Variants in STXBP5L observed in about 807,000 individuals in gnomAD.
The protein encoded by STXBP5L is syntaxin-binding protein 5-like.
Under a neutral mutation model 144.5 loss-of-function variants are expected in STXBP5L, and 65 were observed. The ratio of observed to expected loss-of-function variants is 0.45; its 90% confidence interval spans 0.37 to 0.55. The LOEUF (loss-of-function observed/expected upper bound fraction) is 0.55, where lower values mean the gene tolerates loss of function less well. Among genes scored for constraint, STXBP5L ranks in the 20% least tolerant of loss-of-function variants. The probability of loss-of-function intolerance (pLI) is 0.00; values close to 1 mark genes in which losing one functional copy is unlikely to be tolerated. For synonymous variants in STXBP5L, 505 were observed against 469.6 expected (o/e 1.08, Z -0.97); for missense variants, 1,298 against 1,405.5 (o/e 0.92, Z 1.22).
chr3:121,352,629 C>G (rs920881936), intron 20 of STXBP5L, among the ~76,000 whole-genome samples: 5 of 152,088 alleles, frequency 3.3e-5, no homozygotes, highest in Admixed American at 1.3e-4. Flanking sequence ...CATCTGCAAA[C>G]AGGGACAATT....
At chr3:121,221,708 CA>C (rs2048978792) in intron 10 of STXBP5L, among the ~76,000 whole-genome samples, 3 of 151,748 alleles carry the variant, frequency 2.0e-5, no homozygotes, top group Admixed American at 6.6e-5. Flanking sequence ...TTTACCATAT[CA>C]AATCACTGGT....
At chr3:121,069,436 G>A (rs1051650278) in intron 5 of STXBP5L, among the ~76,000 whole-genome samples, 4 of 151,720 alleles carry the variant, frequency 2.6e-5, no homozygotes, top group Non-Finnish European at 4.4e-5. Flanking sequence ...CTTATTACAA[G>A]TAAAGCTGCT....
chr3:121,137,700 C>T (rs546870569), intron 7 of STXBP5L, among the ~76,000 whole-genome samples: 74 of 152,068 alleles, frequency 4.9e-4, no homozygotes, highest in Admixed American at 9.8e-4. Context: ...TTTTAATACA[C>T]GGAGAAAAGG....
intron 23 of STXBP5L, 149 bp from the exon 24 acceptor site, chr3:121,413,009 C>T (rs1298991509): frequency 3.3e-6 from 2 of 604,632 alleles, no homozygotes; most frequent in East Asian, 7.6e-5. Flanking sequence ...GCTTGGGTGA[C>T]AGAGCAAGAC....
chr3:120,977,367 C>A (rs879645922), intron 3 of STXBP5L, among the ~76,000 whole-genome samples: 6 of 152,072 alleles, frequency 3.9e-5, no homozygotes, highest in Non-Finnish European at 8.8e-5. Context: ...AGGATTGCAA[C>A]CCCTGCCTTT....
intron 2 of STXBP5L, among the ~76,000 whole-genome samples, chr3:120,934,609 T>C (rs948642340): frequency 6.6e-6 from 1 of 152,094 alleles, no homozygotes; most frequent in Non-Finnish European, 1.5e-5. Context: ...CCAACGATTA[T>C]AGTGGATTTA....
At chr3:120,964,824 C>A (rs1411067512) in intron 3 of STXBP5L, among the ~76,000 whole-genome samples, 1 of 152,134 alleles carries the variant, frequency 6.6e-6, no homozygotes, top group African/African-American at 2.4e-5. Flanking sequence ...CCTGGACATC[C>A]TTGTTAACCT....
At chr3:121,353,143 CT>C (rs1000420955) in intron 20 of STXBP5L, among the ~76,000 whole-genome samples, 3 of 152,084 alleles carry the variant, frequency 2.0e-5, no homozygotes, top group Non-Finnish European at 4.4e-5. Flanking sequence ...CTAAAATTCT[CT>C]TTTTTTGTTG....
rs547841002 is a variant in STXBP5L, at chr3:121,287,585, C to T, written c.2110+7629C>T. 2.0e-5 allele frequency among the ~76,000 whole-genome samples: 3 copies of T among 152,034 alleles called. No individual in the cohort carries two copies. In the East Asian group the frequency reaches 5.8e-4, roughly 30 times the overall value. ...GTGGCTCATGCCTGTAATCCCAGCACTTTGGGAGGCTGAGGTGGGTGGATC... is the reference window on the plus strand; with the variant it reads ...GTGGCTCATGCCTGTAATCCCAGCATTTTGGGAGGCTGAGGTGGGTGGATC... On this transcript the variant is annotated intron_variant, in intron 19 of 26. Coordinates refer to ENST00000471454, the MANE Select transcript of STXBP5L (RefSeq NM_001308330.2).
chr3:121,112,144 A>G (rs971237705), intron 5 of STXBP5L, among the ~76,000 whole-genome samples: 1 of 151,956 alleles, frequency 6.6e-6, no homozygotes, highest in Non-Finnish European at 1.5e-5. Flanking sequence ...CCCAGGACTC[A>G]GTCATCTTAG....
At chr3:121,081,736 G>A (rs1381302785) in intron 5 of STXBP5L, among the ~76,000 whole-genome samples, 4 of 152,202 alleles carry the variant, frequency 2.6e-5, no homozygotes, top group African/African-American at 9.7e-5. Context: ...GCAGGTTGAG[G>A]AGACATACTA....
chr3:121,321,476 A>G (rs995524798), intron 20 of STXBP5L, among the ~76,000 whole-genome samples: 2 of 152,158 alleles, frequency 1.3e-5, no homozygotes, highest in Non-Finnish European at 2.9e-5. Context: ...ATTCAATACA[A>G]TACATATACA....
chr3:121,413,442 T>A (rs974010206), intron 24 of STXBP5L, 119 bp downstream of exon 24: 12 of 860,190 alleles, frequency 1.4e-5, no homozygotes, highest in Non-Finnish European at 1.5e-5. Context: ...CAATAACATG[T>A]TTTGAATATA....
intron 20 of STXBP5L, among the ~76,000 whole-genome samples, chr3:121,330,669 C>T (rs894086348): frequency 2.2e-4 from 34 of 152,052 alleles, no homozygotes; most frequent in African/African-American, 7.7e-4. Flanking sequence ...CAAATGCTAC[C>T]CCCTGGCTGG....
At chr3:121,344,488 C>G (rs901743841) in intron 20 of STXBP5L, among the ~76,000 whole-genome samples, 4 of 151,866 alleles carry the variant, frequency 2.6e-5, no homozygotes, top group African/African-American at 9.7e-5. Flanking sequence ...TATCTTCAGC[C>G]AACAAAAAGA....
intron 22 of STXBP5L, among the ~76,000 whole-genome samples, chr3:121,387,104 G>A (rs1358251097): frequency 1.3e-5 from 2 of 152,214 alleles, no homozygotes; most frequent in African/African-American, 4.8e-5. Context: ...ATTCTAACGG[G>A]TGTGAGATGG....
At chr3:121,064,550 G>A (rs547126085) in intron 5 of STXBP5L, among the ~76,000 whole-genome samples, 3 of 152,148 alleles carry the variant, frequency 2.0e-5, no homozygotes, top group Non-Finnish European at 4.4e-5. Flanking sequence ...CATGACTGTG[G>A]GAGATGGCAA....
At chr3:121,064,824 T>A (rs186344114) in intron 5 of STXBP5L, among the ~76,000 whole-genome samples, 43 of 152,300 alleles carry the variant, frequency 2.8e-4, no homozygotes, top group African/African-American at 1.0e-3. Flanking sequence ...AGGTTTGGGG[T>A]ATGGATCCTG....
At chr3:121,033,170 C>G (rs1025568805) in intron 3 of STXBP5L, among the ~76,000 whole-genome samples, 1 of 136,804 alleles carries the variant, frequency 7.3e-6, no homozygotes. Context: ...TTGGAACCAA[C>G]CCAAATGTCC....
Sources: gnomAD v4.1 joint callset for allele counts (sites outside exome capture counted in the v4.1 genomes callset) on GRCh38, gnomAD v4.1.1 for gene constraint, MANE v1.5 for transcripts, NCBI Gene and HGNC (gene_info 2026-07-23, HGNC 2026-07-21) for gene names.